The following ANK2 variants were observed in gnomAD, a reference collection of about 807,000 sequenced individuals.
The protein encoded by ANK2 is ankyrin 2, also known as ankyrin-2.
In ANK2, 83 loss-of-function variants were observed where a neutral mutation model predicts 360.5. The observed-to-expected ratio is 0.23, with a 90% CI of 0.19 to 0.28. The LOEUF is 0.28. ANK2 is among the 10% of genes least tolerant of loss of function. The pLI is 1.00. For missense variants in ANK2, 4,201 were observed against 4,795.7 expected, an observed-to-expected ratio of 0.88 and a Z score of 3.66; for synonymous variants, 1,740 against 1,759.5, an observed-to-expected ratio of 0.99 and a Z score of 0.28.
rs59004947 is a variant in ANK2, at chr4:112,965,252, A to G, written c.21+60738A>G. Among the ~76,000 whole-genome samples the G allele has an allele frequency of 9.7e-3, 1,480 of 152,276 alleles. 27 individuals are homozygous for G. Among genetic ancestry groups the G allele is most frequent in the African/African-American group, 0.034 (1,412 of 41,550 alleles). ...TCGATTTGCATTTCTCTGATGATCA[A>G]TGATGTTGCACACCTTTTCATATGC... On this transcript the variant is annotated intron_variant, in intron 2 of 30. Transcript: ENST00000503271.
At chr4:112,822,392 T>A (rs1579037229) in intron 1 of ANK2, among the ~76,000 whole-genome samples, 1 of 142,186 alleles carries the variant, frequency 7.0e-6, no homozygotes, top group Non-Finnish European at 1.5e-5. Context: ...CACTCCAGCC[T>A]GGGCGACAGA....
chr4:112,893,529 C>T (rs539189820), intron 1 of ANK2, among the ~76,000 whole-genome samples: 57 of 152,218 alleles, frequency 3.7e-4, no homozygotes, highest in Admixed American at 6.5e-4. Flanking sequence ...GGCAAAACTG[C>T]GACTATTTTT....
At chr4:112,982,930 C>T (rs1029989641) in intron 2 of ANK2, among the ~76,000 whole-genome samples, 1 of 152,164 alleles carries the variant, frequency 6.6e-6, no homozygotes, top group Non-Finnish European at 1.5e-5. Context: ...TCTTTCAACC[C>T]TTGTTGTTGG....
chr4:113,168,530 C>A (rs115499535), intron 1 of ANK2, among the ~76,000 whole-genome samples: 1,739 of 152,244 alleles, frequency 0.011, 34 homozygotes, highest in African/African-American at 0.039. Flanking sequence ...CATTTAGTAG[C>A]AATCTAAAGA....
chr4:113,347,457 C>T (rs1008292982), intron 35 of ANK2, among the ~76,000 whole-genome samples: 7 of 152,094 alleles, frequency 4.6e-5, no homozygotes, highest in Non-Finnish European at 8.8e-5. Context: ...GGGCAAGCCA[C>T]CTGAGTGTTA....
chr4:113,296,578 T>C (rs917011763), intron 22 of ANK2, among the ~76,000 whole-genome samples: 2 of 152,188 alleles, frequency 1.3e-5, no homozygotes, highest in African/African-American at 2.4e-5. Flanking sequence ...AGGCAGTAGT[T>C]TGTAAAGGAA....
At chr4:113,249,144 A>G (rs1030017719) in intron 9 of ANK2, among the ~76,000 whole-genome samples, 1 of 152,234 alleles carries the variant, frequency 6.6e-6, no homozygotes, top group Non-Finnish European at 1.5e-5. Context: ...AATAAAGTTC[A>G]TCTTTGGGAA....
intron 35 of ANK2, 53 bp from the exon 36 acceptor site, chr4:113,348,223 C>T (rs921383344): frequency 6.3e-7 from 1 of 1,577,940 alleles, no homozygotes. Flanking sequence ...TAAATACTCT[C>T]TACTCTTCCT....
intron 2 of ANK2, among the ~76,000 whole-genome samples, chr4:113,021,310 G>T (rs953342970): frequency 6.6e-6 from 1 of 151,886 alleles, no homozygotes; most frequent in Admixed American, 6.6e-5. Flanking sequence ...TAGGTCGTTA[G>T]TGTGAGTTGT....
intron 26 of ANK2, among the ~76,000 whole-genome samples, chr4:113,322,239 G>T (rs978974360): frequency 5.9e-5 from 9 of 152,010 alleles, no homozygotes; most frequent in African/African-American, 2.2e-4. Context: ...GAGAACAATA[G>T]GTATCAGTGA....
At chr4:113,146,318 G>A (rs1334748549) in intron 1 of ANK2, among the ~76,000 whole-genome samples, 4 of 152,120 alleles carry the variant, frequency 2.6e-5, no homozygotes, top group Non-Finnish European at 5.9e-5. Context: ...GTGACTTTCA[G>A]CAATATTGCA....
intron 1 of ANK2, among the ~76,000 whole-genome samples, chr4:112,828,252 T>TTTTTA (rs57231299): frequency 2.1e-5 from 3 of 139,788 alleles, no homozygotes; most frequent in Admixed American, 7.0e-5. Flanking sequence ...TTTTTTTTTT[T>TTTTTA]GAGACAGAGT....
chr4:112,957,600 G>A (rs1302698322), intron 2 of ANK2, among the ~76,000 whole-genome samples: 2 of 150,238 alleles, frequency 1.3e-5, no homozygotes, highest in Non-Finnish European at 3.0e-5. Flanking sequence ...GCCGGGCAGA[G>A]GCGCCCCTCA....
chr4:113,195,927 G>A (rs190689046), intron 2 of ANK2, among the ~76,000 whole-genome samples: 2 of 152,246 alleles, frequency 1.3e-5, no homozygotes, highest in African/African-American at 2.4e-5. Context: ...TAAATCCCAG[G>A]AGGTGGGGAG....
chr4:113,201,031 T>TATA (rs2153414982), intron 4 of ANK2, among the ~76,000 whole-genome samples: 1 of 152,044 alleles, frequency 6.6e-6, no homozygotes, highest in South Asian at 2.1e-4. Context: ...GAACTTAAAG[T>TATA]ATAATAATAA....
rs1023992385 is a variant in ANK2 at position 113,284,973 on chromosome 4, A to G, written c.2079+2101A>G. Among the ~76,000 whole-genome samples the G allele has an allele frequency of 2.0e-5, 3 of 152,310 alleles. No individual in the cohort carries two copies. The South Asian group carries it at 6.2e-4, about 32-fold the overall frequency. ...AGTCTCCAAATGATTATTTCACATT[A>G]GGAACTATAATATAGAAGTGATATT... On this transcript the variant is annotated intron_variant, in intron 18 of 45. Transcript: ENST00000357077.
chr4:112,882,713 T>TTTA (rs1553965289), intron 1 of ANK2, among the ~76,000 whole-genome samples: 15 of 148,680 alleles, frequency 1.0e-4, no homozygotes, highest in African/African-American at 3.7e-4. Context: ...TTTTTTTTTT[T>TTTA]AAAATGAAGC....
At chr4:113,247,180 A>G (rs1225859200) in intron 9 of ANK2, among the ~76,000 whole-genome samples, 1 of 151,828 alleles carries the variant, frequency 6.6e-6, no homozygotes, top group Non-Finnish European at 1.5e-5. Context: ...AAAAACAACA[A>G]CAGAGAAAAC....
chr4:113,214,481 C>T, intron 4 of ANK2: 1 of 647,392 alleles, frequency 1.5e-6, no homozygotes, highest in Non-Finnish European at 2.7e-6. Flanking sequence ...GAAAAATCTA[C>T]AAATCAATTA....
Sources: gnomAD v4.1 joint callset for allele counts (sites outside exome capture counted in the v4.1 genomes callset) on GRCh38, gnomAD v4.1.1 for gene constraint, MANE v1.5 for transcripts, NCBI Gene and HGNC (gene_info 2026-07-23, HGNC 2026-07-21) for gene names.